The following PTPRN2 variants were observed in gnomAD, a reference collection of about 807,000 sequenced individuals.
PTPRN2 encodes the protein protein tyrosine phosphatase receptor type N2.
PTPRN2 carries 74 observed loss-of-function variants against 118.8 expected under a neutral mutation model. The observed-to-expected ratio is 0.62, with a 90% CI of 0.52 to 0.76. The LOEUF (loss-of-function observed/expected upper bound fraction) is 0.76, where lower values mean the gene tolerates loss of function less well. PTPRN2 is among the 30% of genes least tolerant of loss of function. The probability of loss-of-function intolerance (pLI) is 0.00; values close to 1 mark genes in which losing one functional copy is unlikely to be tolerated. For missense variants in PTPRN2, 1,481 were observed against 1,394.4 expected (o/e 1.06, Z -0.99); for synonymous variants, 641 against 608.0 (o/e 1.05, Z -0.80).
intron 3 of PTPRN2, among the ~76,000 whole-genome samples, chr7:158,280,618 G>A (rs981855747): frequency 8.5e-5 from 13 of 152,356 alleles, no homozygotes; most frequent in East Asian, 5.8e-4. Flanking sequence ...AGGAGGAGCC[G>A]AGAGAGCCTG....
At chr7:157,970,531 T>C (rs1025652478) in intron 11 of PTPRN2, among the ~76,000 whole-genome samples, 3 of 152,128 alleles carry the variant, frequency 2.0e-5, no homozygotes, top group Non-Finnish European at 4.4e-5. Context: ...GTCCTCACCA[T>C]TGGTGCGGGT....
chr7:157,558,715 G>A (rs1799028751), intron 21 of PTPRN2, among the ~76,000 whole-genome samples: 1 of 152,184 alleles, frequency 6.6e-6, no homozygotes, highest in Admixed American at 6.5e-5. Flanking sequence ...CTGCTTCCGG[G>A]GGCCTGGCCT....
Position 157,794,281 on chromosome 7 carries a change from G to A in PTPRN2, c.1788+104392C>T, listed in dbSNP as rs144936795. On this transcript the variant is annotated intron_variant, in intron 12 of 22. Coordinates refer to ENST00000389418, the MANE Select transcript of PTPRN2 (RefSeq NM_002847.5). The surrounding 1 kb of genome is among the most constrained non-coding windows in gnomAD (Gnocchi z 5.2). ...CTCCCCTCGTTCTCTGCTCCGACCCGGGCTCACACCTCCCCTCGTTCTCTG... is the reference window on the plus strand; with the variant it reads ...CTCCCCTCGTTCTCTGCTCCGACCCAGGCTCACACCTCCCCTCGTTCTCTG... Among the ~76,000 whole-genome samples the A allele has an allele frequency of 0.025, 3,746 of 148,986 alleles. 236 individuals carry two copies. The highest frequency in any genetic ancestry group is 0.089 in the African/African-American group (3,471 of 39,172).
chr7:158,468,858 C>A (rs371450113), intron 2 of PTPRN2, among the ~76,000 whole-genome samples: 1 of 133,184 alleles, frequency 7.5e-6, no homozygotes, highest in Non-Finnish European at 1.7e-5. Context: ...CACTCCCAAT[C>A]GATCAAGAGT....
chr7:158,110,750 T>G, intron 10 of PTPRN2, 79 bp downstream of exon 10: 1 of 1,321,026 alleles, frequency 7.6e-7, no homozygotes, highest in Non-Finnish European at 1.1e-6. Flanking sequence ...AGCCATGGGC[T>G]CGCAGCTCCT....
chr7:157,852,458 C>G (rs1809345795), intron 12 of PTPRN2, among the ~76,000 whole-genome samples: 1 of 152,196 alleles, frequency 6.6e-6, no homozygotes, highest in Non-Finnish European at 1.5e-5. Context: ...TAACAGACGA[C>G]CATTTTTAAA....
chr7:157,608,327 C>CA (rs1319770792), intron 15 of PTPRN2, among the ~76,000 whole-genome samples: 3 of 152,154 alleles, frequency 2.0e-5, no homozygotes, highest in African/African-American at 7.2e-5. Flanking sequence ...CTCGGCCTCC[C>CA]AAAGTGCTGG....
intron 2 of PTPRN2, 71 bp from the exon 3 acceptor site, chr7:158,317,003 G>A (rs981314758): frequency 5.9e-6 from 7 of 1,183,980 alleles, no homozygotes; most frequent in African/African-American, 3.0e-5. Flanking sequence ...TGTCACACAC[G>A]TCCTTGCAAT....
At chr7:158,487,953 A>G (rs1396653940) in intron 2 of PTPRN2, among the ~76,000 whole-genome samples, 1 of 152,200 alleles carries the variant, frequency 6.6e-6, no homozygotes, top group Non-Finnish European at 1.5e-5. Flanking sequence ...TTTCCAAGGA[A>G]TCCACAGTCA....
At position 157,567,535 on chromosome 7, in the gene PTPRN2, CT is replaced by C. The variant is rs60416795; in HGVS notation, c.2902+1366del. 6.0e-3 allele frequency among the ~76,000 whole-genome samples: 870 copies of C among 145,832 alleles called. 4 individuals carry two copies. Among genetic ancestry groups the C allele is most frequent in the Middle Eastern group, 0.021 (6 of 288 alleles). On this transcript the variant is annotated intron_variant, in intron 21 of 22. Transcript: ENST00000389418. Reference sequence around the variant, plus strand: ...TTGTTTTATCTTCACATATTTATGTCTTTTTTTTTTTAACCAGAAGAAAATG... The same window carrying C: ...TTGTTTTATCTTCACATATTTATGTCTTTTTTTTTTAACCAGAAGAAAATG...
At chr7:158,490,825 G>A (rs914118199) in intron 1 of PTPRN2, among the ~76,000 whole-genome samples, 1 of 152,226 alleles carries the variant, frequency 6.6e-6, no homozygotes, top group African/African-American at 2.4e-5. Flanking sequence ...TCCTTTTCGG[G>A]ACTCGCCACA....
chr7:157,826,577 C>G (rs955341706), intron 12 of PTPRN2, among the ~76,000 whole-genome samples: 5 of 150,004 alleles, frequency 3.3e-5, no homozygotes, highest in Non-Finnish European at 7.4e-5. Flanking sequence ...AGCACGAACA[C>G]GATCGTCACA....
Position 157,873,501 on chromosome 7 carries a change from C to T in PTPRN2, c.1788+25172G>A, listed in dbSNP as rs4996703. Among the ~76,000 whole-genome samples, 202 of 99,246 alleles carry T rather than the reference C, an allele frequency of 2.0e-3. 1 individual carries two copies. Among genetic ancestry groups the T allele is most frequent in the Middle Eastern group, 8.3e-3 (1 of 120 alleles). 65.1% of individuals were successfully genotyped at this position (99,246 alleles called of 152,430 possible). On this transcript the variant is annotated intron_variant, in intron 12 of 22. Coordinates refer to ENST00000389418, the MANE Select transcript of PTPRN2 (RefSeq NM_002847.5). ...CGTACCGTCCTCAAGGTCCGTCTCG[C>T]CGTGGGGGCCGGGAGGAGAACGTAC...
intron 3 of PTPRN2, among the ~76,000 whole-genome samples, chr7:158,305,817 A>C (rs1392421478): frequency 6.6e-6 from 1 of 152,008 alleles, no homozygotes; most frequent in African/African-American, 2.4e-5. Flanking sequence ...AGAAAGAAAG[A>C]AAAAGAAAGA....
chr7:158,335,442 A>C (rs1336470424), intron 2 of PTPRN2, among the ~76,000 whole-genome samples: 1 of 33,756 alleles, frequency 3.0e-5, no homozygotes, highest in African/African-American at 1.0e-4. Context: ...GAGGTGACAC[A>C]TGCAGATGTC....
At position 157,763,022 on chromosome 7, in the gene PTPRN2, G is replaced by A. The variant is rs1203081150; in HGVS notation, c.1789-80085C>T. Among the ~76,000 whole-genome samples the A allele has an allele frequency of 2.6e-5, 4 of 152,112 alleles. No homozygotes were observed. The highest frequency in any genetic ancestry group is 2.1e-4 in the South Asian group (1 of 4,824). Reference sequence around the variant, plus strand: ...TAACCCTCCATCAGAGCCCACAGCCGCCCACTCACAGTCGGTCACAGGGCT... The same window carrying A: ...TAACCCTCCATCAGAGCCCACAGCCACCCACTCACAGTCGGTCACAGGGCT... On this transcript the variant is annotated intron_variant, in intron 12 of 22. Coordinates refer to ENST00000389418, the MANE Select transcript of PTPRN2 (RefSeq NM_002847.5). The surrounding 1 kb of genome is among the most constrained non-coding windows in gnomAD (Gnocchi z 4.9).
chr7:157,894,867 T>C (rs570228148), intron 12 of PTPRN2, among the ~76,000 whole-genome samples: 1 of 152,164 alleles, frequency 6.6e-6, no homozygotes, highest in Non-Finnish European at 1.5e-5. Flanking sequence ...CCACACTTTA[T>C]TGAATGAAGC....
At chr7:157,812,280 A>G (rs995086933) in intron 12 of PTPRN2, among the ~76,000 whole-genome samples, 1 of 152,162 alleles carries the variant, frequency 6.6e-6, no homozygotes, top group African/African-American at 2.4e-5. Flanking sequence ...AGAGACGCCC[A>G]GAGGGAAGGG....
chr7:158,193,496 T>C (rs1406783173), intron 4 of PTPRN2, among the ~76,000 whole-genome samples: 2 of 152,048 alleles, frequency 1.3e-5, no homozygotes, highest in Non-Finnish European at 2.9e-5. Flanking sequence ...TCCCCATGTT[T>C]ATGGGGAGCC....
Sources: allele counts gnomAD v4.1 joint callset (sites outside exome capture counted in the v4.1 genomes callset), GRCh38; gene constraint gnomAD v4.1.1; non-coding constraint Gnocchi (gnomAD v3.1); transcripts MANE v1.5; gene names NCBI Gene and HGNC (gene_info 2026-07-23, HGNC 2026-07-21).